WWC1: variants seen among roughly 807,000 people sequenced by gnomAD.
WWC1 encodes the protein WW and C2 domain containing 1.
In WWC1, 55 loss-of-function variants were observed where a neutral mutation model predicts 138.4. That is an observed-to-expected ratio of 0.40 (90% CI 0.32 to 0.50). WWC1 has a LOEUF of 0.50. Ranked by LOEUF, WWC1 falls within the 20% of genes least tolerant of loss-of-function variation. The pLI, the probability that WWC1 is intolerant of heterozygous loss-of-function variation, is 0.72. For missense variants in WWC1, 1,226 were observed against 1,420.4 expected (o/e 0.86, Z 2.20); for synonymous variants, 524 against 564.9 (o/e 0.93, Z 1.03).
At chr5:168,448,099 C>T (rs182211314) in intron 17 of WWC1, among the ~76,000 whole-genome samples, 47 of 152,278 alleles carry the variant, frequency 3.1e-4, no homozygotes, top group Admixed American at 4.6e-4. Context: ...CACCCCCTGC[C>T]ATTCAAACTT....
intron 1 of WWC1, among the ~76,000 whole-genome samples, chr5:168,355,516 AAAAC>A (rs1561649869): frequency 6.6e-6 from 1 of 151,760 alleles, no homozygotes; most frequent in African/African-American, 2.4e-5. Flanking sequence ...AAAAAAAAAA[AAAAC>A]AGCATTTCAA....
At chr5:168,397,899 G>A in intron 4 of WWC1, 99 bp downstream of exon 4, 1 of 1,303,328 alleles carries the variant, frequency 7.7e-7, no homozygotes, top group Non-Finnish European at 1.1e-6. Context: ...CTCCAGCCAG[G>A]CTATGACAGC....
intron 1 of WWC1, among the ~76,000 whole-genome samples, chr5:168,362,406 G>C (rs776849149): frequency 3.3e-5 from 5 of 152,220 alleles, no homozygotes; most frequent in Admixed American, 6.5e-5. Context: ...GAAAATGACA[G>C]AGCCTGGATT....
At chr5:168,369,225 G>A (rs562902431) in intron 1 of WWC1, among the ~76,000 whole-genome samples, 2 of 152,344 alleles carry the variant, frequency 1.3e-5, no homozygotes, top group South Asian at 2.1e-4. Flanking sequence ...TAGCACCTGT[G>A]CTAAAAGTAC....
intron 1 of WWC1, among the ~76,000 whole-genome samples, chr5:168,305,353 G>A (rs897992631): frequency 1.3e-5 from 2 of 152,036 alleles, no homozygotes; most frequent in African/African-American, 4.8e-5. Flanking sequence ...CCTCACCATC[G>A]CCTCACGTCT....
intron 1 of WWC1, among the ~76,000 whole-genome samples, chr5:168,322,236 A>T (rs1772171349): frequency 6.6e-6 from 1 of 152,002 alleles, no homozygotes; most frequent in Non-Finnish European, 1.5e-5. Context: ...TGTAAAATAT[A>T]CCACTCTTCT....
intron 2 of WWC1, among the ~76,000 whole-genome samples, chr5:168,376,114 T>C (rs538132329): frequency 1.3e-5 from 2 of 151,772 alleles, no homozygotes; most frequent in Non-Finnish European, 2.9e-5. Context: ...AGTGCAGTGA[T>C]GTGATCTTGG....
At chr5:168,367,236 C>T (rs10054232) in intron 1 of WWC1, among the ~76,000 whole-genome samples, 10,913 of 152,194 alleles carry the variant, frequency 0.072, 1,048 homozygotes, top group African/African-American at 0.22. Context: ...CTTCAGATGT[C>T]CCTCTTGTCT....
intron 1 of WWC1, among the ~76,000 whole-genome samples, chr5:168,294,879 G>A (rs1769389762): frequency 6.6e-6 from 1 of 152,158 alleles, no homozygotes; most frequent in African/African-American, 2.4e-5. Context: ...GCCCACCTCA[G>A]CCTCCCAAAG....
intron 2 of WWC1, among the ~76,000 whole-genome samples, chr5:168,378,183 C>T (rs886788300): frequency 3.3e-5 from 5 of 152,162 alleles, no homozygotes; most frequent in Non-Finnish European, 5.9e-5. Context: ...GACAAACACT[C>T]AAATACCACT....
At chr5:168,321,261 G>C (rs1427500994) in intron 1 of WWC1, among the ~76,000 whole-genome samples, 1 of 152,126 alleles carries the variant, frequency 6.6e-6, no homozygotes, top group East Asian at 1.9e-4. Flanking sequence ...TTCCAACTTG[G>C]TCTGGGAAGA....
At chr5:168,424,129 C>A in intron 11 of WWC1, 61 bp downstream of exon 11, 1 of 1,514,410 alleles carries the variant, frequency 6.6e-7, no homozygotes, top group South Asian at 1.3e-5. Flanking sequence ...ACTCTGTGCT[C>A]AGAACCCCCC....
At chr5:168,343,287 C>T (rs151006843) in intron 1 of WWC1, among the ~76,000 whole-genome samples, 34 of 152,302 alleles carry the variant, frequency 2.2e-4, no homozygotes, top group African/African-American at 7.5e-4. Flanking sequence ...CTTCAACATT[C>T]TGAGTGTTTA....
intron 1 of WWC1, among the ~76,000 whole-genome samples, chr5:168,301,199 C>T (rs1770038133): frequency 6.6e-6 from 1 of 152,124 alleles, no homozygotes; most frequent in Admixed American, 6.5e-5. Context: ...CATTTTTCCA[C>T]TATGGAAAAA....
intron 1 of WWC1, among the ~76,000 whole-genome samples, chr5:168,331,584 T>C (rs900311521): frequency 6.6e-6 from 1 of 152,256 alleles, no homozygotes; most frequent in African/African-American, 2.4e-5. Flanking sequence ...CACGTTAATA[T>C]CTTCGAATGT....
intron 1 of WWC1, among the ~76,000 whole-genome samples, chr5:168,306,771 A>G: frequency 6.6e-6 from 1 of 151,744 alleles, no homozygotes; most frequent in East Asian, 1.9e-4. Flanking sequence ...TAATTTTTGT[A>G]TTTTTAGTAG....
At chr5:168,409,803 C>CG in intron 7 of WWC1, 119 bp from the exon 8 acceptor site, 1 of 989,280 alleles carries the variant, frequency 1.0e-6, no homozygotes, top group Non-Finnish European at 1.6e-6. Flanking sequence ...GCCCAGTCAC[C>CG]GGGGGCTATT....
chr5:168,355,003 A>G (rs1405647502), intron 1 of WWC1, among the ~76,000 whole-genome samples: 6 of 152,196 alleles, frequency 3.9e-5, no homozygotes. Context: ...TGCTATGTTC[A>G]TTCAGCAGAT....
intron 11 of WWC1, among the ~76,000 whole-genome samples, chr5:168,425,088 G>T (rs112807811): frequency 6.6e-5 from 10 of 152,282 alleles, no homozygotes; most frequent in African/African-American, 2.2e-4. Context: ...CATTTCACTG[G>T]TGAGGAATTG....
Sources: gnomAD v4.1 joint callset for allele counts (sites outside exome capture counted in the v4.1 genomes callset) on GRCh38, gnomAD v4.1.1 for gene constraint, MANE v1.5 for transcripts, NCBI Gene and HGNC (gene_info 2026-07-23, HGNC 2026-07-21) for gene names.